The following EPM2A variants were observed in gnomAD, a reference collection of about 807,000 sequenced individuals.
EPM2A encodes EPM2A glucan phosphatase, laforin, also known as laforin.
In EPM2A, 21 loss-of-function variants were observed where a neutral mutation model predicts 26.5. The observed-to-expected ratio is 0.79, with a 90% confidence interval of 0.56 to 1.14. The LOEUF is 1.14. Ranked by LOEUF, EPM2A falls within the 50% of genes most tolerant of loss-of-function variation. The probability of loss-of-function intolerance (pLI) is 0.00; values close to 1 mark genes in which losing one functional copy is unlikely to be tolerated. For synonymous variants in EPM2A, 217 were observed against 177.6 expected, an observed-to-expected ratio of 1.22 and a Z score of -1.76; for missense variants, 458 against 440.8, an observed-to-expected ratio of 1.04 and a Z score of -0.35.
At chr6:145,412,140 C>A (rs1778651945) in intron 4 of EPM2A, among the ~76,000 whole-genome samples, 1 of 150,086 alleles carries the variant, frequency 6.7e-6, no homozygotes, top group Admixed American at 6.7e-5. Context: ...TCTCTTGAAC[C>A]TGGGAGGCAG....
At chr6:145,614,749 A>G (rs899722134) in intron 2 of EPM2A, among the ~76,000 whole-genome samples, 2 of 152,224 alleles carry the variant, frequency 1.3e-5, no homozygotes, top group African/African-American at 4.8e-5. Flanking sequence ...GGCACAGTTC[A>G]TGGCACCCCA....
At chr6:145,476,543 T>C (rs567344135) in intron 4 of EPM2A, among the ~76,000 whole-genome samples, 10 of 152,220 alleles carry the variant, frequency 6.6e-5, no homozygotes, top group South Asian at 6.2e-4. Context: ...GAACAGACCA[T>C]ATGTTAGATC....
intron 1 of EPM2A, among the ~76,000 whole-genome samples, chr6:145,706,471 A>G (rs1358177366): frequency 1.3e-5 from 2 of 152,224 alleles, no homozygotes; most frequent in Non-Finnish European, 2.9e-5. Context: ...TCCAGCTGGA[A>G]GGGTGCATGT....
At chr6:145,611,734 G>A (rs1390723280) in intron 2 of EPM2A, among the ~76,000 whole-genome samples, 2 of 152,030 alleles carry the variant, frequency 1.3e-5, no homozygotes, top group Admixed American at 6.6e-5. Context: ...TACTTTCTGA[G>A]AACTGCAGCT....
rs141388836 is a variant in EPM2A, at chr6:145,555,634, T to C, written c.341-53059A>G. On this transcript the variant is annotated intron_variant, in intron 2 of 3. Coordinates refer to the EPM2A transcript ENST00000450221. The stretch of plus-strand genomic sequence containing the variant: ...CTCTAAAATTCCTTTTCTTTCTCTT[T>C]GTCTCTCAACATACACACACACGCA... Among the ~76,000 whole-genome samples the C allele has an allele frequency of 4.2e-3, 647 of 152,262 alleles. 5 individuals carry two copies. The highest frequency in any genetic ancestry group is 0.013 in the African/African-American group (558 of 41,566).
chr6:145,485,126 T>C (rs1779656760), intron 4 of EPM2A, among the ~76,000 whole-genome samples: 1 of 151,594 alleles, frequency 6.6e-6, no homozygotes, highest in Non-Finnish European at 1.5e-5. Context: ...CAGCACACAT[T>C]ATAGCCTGAG....
chr6:145,679,357 A>G (rs1432788585), intron 2 of EPM2A, among the ~76,000 whole-genome samples: 3 of 152,108 alleles, frequency 2.0e-5, no homozygotes, highest in African/African-American at 4.8e-5. Flanking sequence ...ATGTATACCT[A>G]TGTAACAAAC....
chr6:145,720,229 G>A (rs1396596763), intron 1 of EPM2A, among the ~76,000 whole-genome samples: 1 of 152,048 alleles, frequency 6.6e-6, no homozygotes, highest in Non-Finnish European at 1.5e-5. Flanking sequence ...CTGGAGTAAA[G>A]AACTTTTTAA....
intron 2 of EPM2A, among the ~76,000 whole-genome samples, chr6:145,678,408 AT>A (rs1780233790): frequency 6.6e-6 from 1 of 152,242 alleles, no homozygotes; most frequent in Non-Finnish European, 1.5e-5. Flanking sequence ...ATGGGATCTA[AT>A]TAAACTAAAG....
rs1778601329 is a variant in EPM2A at position 145,408,617 on chromosome 6, G to C, written c.556-24520C>G. On this transcript the variant is annotated intron_variant, in intron 4 of 4. Coordinates refer to the EPM2A transcript ENST00000638717. ...CCTACCTCATCCCAGTTAAGTCTGA[G>C]AACTTGATTTATACAGTTTTAAACA... Among the ~76,000 whole-genome samples the C allele has an allele frequency of 3.3e-5, 5 of 152,234 alleles. No homozygotes were observed. The South Asian group carries it at 1.0e-3, about 32-fold the overall frequency.
chr6:145,533,917 G>T (rs767945287), intron 2 of EPM2A, among the ~76,000 whole-genome samples: 2 of 151,926 alleles, frequency 1.3e-5, no homozygotes, highest in Non-Finnish European at 2.9e-5. Context: ...TGGTATATTG[G>T]TGTATCTCTA....
At chr6:145,695,628 A>C (rs914174669) in intron 1 of EPM2A, among the ~76,000 whole-genome samples, 26 of 152,070 alleles carry the variant, frequency 1.7e-4, no homozygotes, top group African/African-American at 5.8e-4. Flanking sequence ...TGGAAGCCAA[A>C]AGAGAGCAGA....
chr6:145,505,380 T>TAC (rs965839623), intron 2 of EPM2A, among the ~76,000 whole-genome samples: 16 of 151,116 alleles, frequency 1.1e-4, no homozygotes, highest in Middle Eastern at 6.9e-3. Context: ...TTTTCTCTCT[T>TAC]ACACACACAC....
chr6:145,472,591 C>T (rs1345548978), intron 4 of EPM2A, among the ~76,000 whole-genome samples: 1 of 151,974 alleles, frequency 6.6e-6, no homozygotes, highest in Non-Finnish European at 1.5e-5. Flanking sequence ...ACTTAAGAGA[C>T]CATGGGCCTC....
intron 1 of EPM2A, among the ~76,000 whole-genome samples, chr6:145,697,542 T>G (rs967114598): frequency 6.6e-6 from 1 of 152,128 alleles, no homozygotes; most frequent in Admixed American, 6.5e-5. Flanking sequence ...CTAATAAGCC[T>G]GGGAGCACTA....
chr6:145,723,115 A>G (rs180804230), intron 1 of EPM2A, among the ~76,000 whole-genome samples: 20 of 152,336 alleles, frequency 1.3e-4, no homozygotes, highest in South Asian at 2.1e-4. Context: ...AAGGATTCAA[A>G]ATTTTTATAT....
rs141889627 is a variant in EPM2A, at chr6:145,475,002, T to C, written c.555+27520A>G. Among the ~76,000 whole-genome samples, 375 of 152,262 alleles carry C rather than the reference T, an allele frequency of 2.5e-3. 2 individuals are homozygous for C. Among genetic ancestry groups the C allele is most frequent in the Non-Finnish European group, 4.4e-3 (296 of 68,006 alleles). ...TGGAGAGGATGTGCAGAAATGGGAA[T>C]GCTTTTACACAGTTCATGGGAGTGT... is the stretch of plus-strand genomic sequence containing the variant. On this transcript the variant is annotated intron_variant, in intron 4 of 4. Transcript: ENST00000638717.
At chr6:145,568,598 C>T (rs1780915630) in intron 2 of EPM2A, among the ~76,000 whole-genome samples, 1 of 152,200 alleles carries the variant, frequency 6.6e-6, no homozygotes, top group African/African-American at 2.4e-5. Flanking sequence ...GCTAGGATTA[C>T]AGGCATGAGC....
chr6:145,419,653 A>T lies in EPM2A; in HGVS notation c.556-35556T>A, dbSNP rs183429285. Among the ~76,000 whole-genome samples the T allele has an allele frequency of 4.1e-4, 63 of 152,306 alleles. 1 individual carries two copies. The highest frequency in any genetic ancestry group is 1.5e-3 in the African/African-American group (61 of 41,576). On this transcript the variant is annotated intron_variant, in intron 4 of 4. Coordinates refer to the EPM2A transcript ENST00000638717. Reference sequence around the variant, plus strand: ...AAAACTTGTCTATCTTTGACACATTATGTGTTTAGAAATTTTCATTGCACT... The same window carrying T: ...AAAACTTGTCTATCTTTGACACATTTTGTGTTTAGAAATTTTCATTGCACT...
Sources: allele counts gnomAD v4.1 joint callset (sites outside exome capture counted in the v4.1 genomes callset), GRCh38; gene constraint gnomAD v4.1.1; transcripts MANE v1.5; gene names NCBI Gene and HGNC (gene_info 2026-07-23, HGNC 2026-07-21).